Variants in MCTP1 observed in about 807,000 individuals in gnomAD.
MCTP1 encodes the protein multiple C2 and transmembrane domain-containing protein 1.
MCTP1 carries 69 observed loss-of-function variants against 120.6 expected under a neutral mutation model. The observed-to-expected ratio is 0.57, with a 90% CI of 0.47 to 0.70. The LOEUF (loss-of-function observed/expected upper bound fraction) is 0.70. Ranked by LOEUF, MCTP1 falls within the 30% of genes least tolerant of loss-of-function variation. MCTP1 has a pLI of 0.00. For missense variants in MCTP1, 1,203 were observed against 1,248.8 expected, an observed-to-expected ratio of 0.96 and a Z score of 0.55; for synonymous variants, 529 against 493.1, an observed-to-expected ratio of 1.07 and a Z score of -0.96.
At chr5:95,098,718 T>G (rs1328664380) in intron 1 of MCTP1, among the ~76,000 whole-genome samples, 1 of 152,066 alleles carries the variant, frequency 6.6e-6, no homozygotes. Context: ...ATAGATTCAA[T>G]GCCATCCCCA....
intron 19 of MCTP1, among the ~76,000 whole-genome samples, chr5:94,760,899 G>C (rs149547327): frequency 6.6e-6 from 1 of 152,132 alleles, no homozygotes; most frequent in Non-Finnish European, 1.5e-5. Context: ...CACCCAAGCT[G>C]GTCTCCAACT....
At chr5:94,889,783 C>CACACACACACACACACA (rs1208115681) in intron 11 of MCTP1, among the ~76,000 whole-genome samples, 1 of 149,604 alleles carries the variant, frequency 6.7e-6, no homozygotes, top group African/African-American at 2.5e-5. Flanking sequence ...CACACACACA[C>CACACACACACACACACA]CCCTCTATGT....
intron 1 of MCTP1, among the ~76,000 whole-genome samples, chr5:95,167,184 T>C (rs1233542208): frequency 6.6e-6 from 1 of 152,156 alleles, no homozygotes; most frequent in African/African-American, 2.4e-5. Context: ...GTCCTTGCAA[T>C]AGCTCAGAAT....
At chr5:94,758,330 A>G (rs1289851817) in intron 19 of MCTP1, among the ~76,000 whole-genome samples, 1 of 152,168 alleles carries the variant, frequency 6.6e-6, no homozygotes, top group Admixed American at 6.5e-5. Flanking sequence ...GTGGTGGCAC[A>G]TGCCTATAGT....
chr5:95,056,226 T>C (rs1477113399), intron 1 of MCTP1, among the ~76,000 whole-genome samples: 1 of 152,220 alleles, frequency 6.6e-6, no homozygotes, highest in Non-Finnish European at 1.5e-5. Flanking sequence ...TCTTAATACA[T>C]CCACTTGAAG....
chr5:94,891,864 T>C (rs570262889), intron 11 of MCTP1, among the ~76,000 whole-genome samples: 4 of 152,326 alleles, frequency 2.6e-5, no homozygotes, highest in South Asian at 4.1e-4. Context: ...ACGGTTATTT[T>C]AGAAGGCCTA....
chr5:95,283,856 C>A lies in MCTP1; in HGVS notation c.720G>T (p.Gln240His). 7.3e-7 allele frequency: 1 copy of A among 1,368,364 alleles called. No homozygotes were observed. The highest frequency in any genetic ancestry group is 1.8e-5 in the South Asian group (1 of 56,744). 84.8% of individuals were successfully genotyped at this position (1,368,364 alleles called of 1,614,324 possible). A position where few individuals can be genotyped will look rare whatever the true frequency, so the allele number is the denominator to read the frequency against. ...CTCCGGCCGCGCCACCGGCACTCAC[C>A]TGGCTGCTGCCGTGCTCCTCGCCCG... ...PETGEEHGSS[Q>H]KIINTAGTSN... Residue 240 changes from glutamine to histidine, a missense_variant and splice_region_variant, in exon 1 of 23, where the codon CAG becomes CAT. Physicochemically the swap from Gln to His is conservative, Grantham distance 24. Around this residue, in one of 2 missense-constraint regions of MCTP1, gnomAD observed 463 missense variants for 377.8 expected, o/e 1.23. Transcript: ENST00000515393.
Position 94,706,436 on chromosome 5 carries a change from C to A in MCTP1, c.*1060G>T, listed in dbSNP as rs1405046244. 6.9e-6 allele frequency: 1 copy of A among 144,572 alleles called. No homozygotes were observed. Among genetic ancestry groups the A allele is most frequent in the East Asian group, 2.2e-4 (1 of 4,564 alleles). The allele number at this position is 144,572 out of a possible 1,614,324, so 9.0% of individuals were successfully genotyped here. ...TACAAAACAGGTTTTCATGCATAAT[C>A]AAGAATGATTTTTTTTAATAAATGA... On this transcript the variant is annotated 3_prime_UTR_variant, in exon 23 of 23. Transcript: ENST00000515393.
intron 1 of MCTP1, among the ~76,000 whole-genome samples, chr5:95,254,549 C>G (rs1178252150): frequency 6.6e-6 from 1 of 152,064 alleles, no homozygotes; most frequent in African/African-American, 2.4e-5. Context: ...CCTTTCAGTA[C>G]TTAATCTCAA....
chr5:94,887,601 G>A (rs1801626240), intron 12 of MCTP1, among the ~76,000 whole-genome samples: 1 of 152,046 alleles, frequency 6.6e-6, no homozygotes, highest in Non-Finnish European at 1.5e-5. Flanking sequence ...TACATTAATT[G>A]TTTTATACAA....
rs1328714205 is a variant in MCTP1 at position 94,868,411 on chromosome 5, C to T, written c.2358G>A (p.Met786Ile). ...CGTAGTATGCAGCATTTACCAGCACCATGACACAACGTTTCATTCTGATAA... is the reference window on the plus strand; with the variant it reads ...CGTAGTATGCAGCATTTACCAGCACTATGACACAACGTTTCATTCTGATAA... The part of the protein sequence containing the change: ...RNFIRMKRCV[M>I]VLVNAAYYVN... The change falls in exon 17 of 23, where the codon ATG (methionine) becomes ATA (isoleucine). Residue 786 changes from methionine to isoleucine, a missense_variant. Physicochemically the swap from Met to Ile is conservative, Grantham distance 10. Coordinates refer to ENST00000515393, the MANE Select transcript of MCTP1 (RefSeq NM_024717.7). 6.2e-7 allele frequency: 1 copy of T among 1,607,080 alleles called. No individual in the cohort carries two copies. The highest frequency in any genetic ancestry group is 8.5e-7 in the Non-Finnish European group (1 of 1,176,578).
intron 2 of MCTP1, among the ~76,000 whole-genome samples, chr5:94,982,912 A>AAAAAAAAAAAAAAAAAAAAAT (rs1829745873): frequency 6.9e-6 from 1 of 144,838 alleles, no homozygotes; most frequent in Non-Finnish European, 1.5e-5. Context: ...AAAAAAAAAA[A>AAAAAAAAAAAAAAAAAAAAAT]AGATGGTCAG....
At chr5:94,779,677 G>A (rs1419447217) in intron 18 of MCTP1, among the ~76,000 whole-genome samples, 1 of 152,102 alleles carries the variant, frequency 6.6e-6, no homozygotes, top group Non-Finnish European at 1.5e-5. Flanking sequence ...ATGTATAAAT[G>A]TCAAGTCTTG....
intron 1 of MCTP1, among the ~76,000 whole-genome samples, chr5:95,062,872 C>A (rs1272604662): frequency 6.6e-6 from 1 of 152,086 alleles, no homozygotes; most frequent in Non-Finnish European, 1.5e-5. Context: ...GGCTGGACTG[C>A]AGTGGCATGA....
At position 95,061,505 on chromosome 5, in the gene MCTP1, G is replaced by T. The variant is rs371712598; in HGVS notation, c.721-44021C>A. Among the ~76,000 whole-genome samples, 17 of 126,540 alleles carry T rather than the reference G, an allele frequency of 1.3e-4. No homozygotes were observed. The East Asian group carries it at 3.8e-3, about 28-fold the overall frequency. 83.0% of individuals were successfully genotyped at this position (126,540 alleles called of 152,430 possible). ...GGCTGGAGTGCAGTGGCGGGATCTC[G>T]GCTCACTGCAAGCTCCGCCTCCCGG... is the stretch of plus-strand genomic sequence containing the variant. On this transcript the variant is annotated intron_variant, in intron 1 of 22. Transcript: ENST00000515393.
At chr5:95,097,909 C>T (rs1482164311) in intron 1 of MCTP1, among the ~76,000 whole-genome samples, 3 of 152,074 alleles carry the variant, frequency 2.0e-5, no homozygotes, top group African/African-American at 7.2e-5. Context: ...CCTTTTTTCA[C>T]ACAGTAAGAA....
rs532086902 is a variant in MCTP1 at position 94,957,058 on chromosome 5, A to G, written c.839-3697T>C. 4.7e-4 allele frequency among the ~76,000 whole-genome samples: 71 copies of G among 152,380 alleles called. No homozygotes were observed. In the South Asian group the frequency reaches 8.1e-3, roughly 17 times the overall value. The stretch of plus-strand genomic sequence containing the variant: ...ACAAAGGGAAGCCCATCAGACTAAC[A>G]GCAGATCTCTCTGCAGAAATTCTAC... On this transcript the variant is annotated intron_variant, in intron 2 of 22. Transcript: ENST00000515393.
chr5:94,877,400 G>GT (rs560445698), intron 12 of MCTP1, among the ~76,000 whole-genome samples: 10 of 150,338 alleles, frequency 6.7e-5, no homozygotes, highest in African/African-American at 2.2e-4. Context: ...ATGGATCTTT[G>GT]TTTTTTTTTA....
intron 2 of MCTP1, among the ~76,000 whole-genome samples, chr5:94,954,236 A>T (rs905808158): frequency 2.8e-5 from 4 of 145,266 alleles, no homozygotes; most frequent in African/African-American, 1.0e-4. Flanking sequence ...CATAAGAAAC[A>T]GATCATGTCT....
Sources: allele counts gnomAD v4.1 joint callset (sites outside exome capture counted in the v4.1 genomes callset), GRCh38; gene constraint gnomAD v4.1.1; regional missense constraint gnomAD v4.1.1; transcripts MANE v1.5; gene names NCBI Gene and HGNC (gene_info 2026-07-23, HGNC 2026-07-21).